Variants in DPP10 observed in about 807,000 individuals in gnomAD.
DPP10 encodes inactive dipeptidyl peptidase 10.
DPP10 carries 33 observed loss-of-function variants against 120.9 expected under a neutral mutation model. The observed-to-expected ratio is 0.27, with a 90% CI of 0.21 to 0.37. DPP10 has a LOEUF of 0.37. DPP10 is among the 10% of genes least tolerant of loss of function. DPP10 has a pLI of 1.00. For synonymous variants in DPP10, 337 were observed against 326.1 expected, an observed-to-expected ratio of 1.03 and a Z score of -0.36; for missense variants, 816 against 942.8, an observed-to-expected ratio of 0.87 and a Z score of 1.76.
intron 1 of DPP10, among the ~76,000 whole-genome samples, chr2:115,261,966 A>G (rs1212308083): frequency 6.6e-6 from 1 of 152,190 alleles, no homozygotes; most frequent in East Asian, 1.9e-4. Context: ...CAAGGGATAA[A>G]GAGGACAGAA....
intron 11 of DPP10, among the ~76,000 whole-genome samples, chr2:115,758,835 G>A (rs924373180): frequency 3.3e-5 from 5 of 152,134 alleles, no homozygotes; most frequent in African/African-American, 1.2e-4. Flanking sequence ...TGCTAAAGCA[G>A]TTCAATGGAG....
At chr2:115,570,129 G>A (rs1215902872) in intron 5 of DPP10, among the ~76,000 whole-genome samples, 1 of 152,114 alleles carries the variant, frequency 6.6e-6, no homozygotes, top group Non-Finnish European at 1.5e-5. Flanking sequence ...TATTCCTGCA[G>A]AGAAATCAAC....
At chr2:115,229,331 T>G (rs1442256046) in intron 1 of DPP10, among the ~76,000 whole-genome samples, 1 of 152,200 alleles carries the variant, frequency 6.6e-6, no homozygotes, top group African/African-American at 2.4e-5. Context: ...AGGTTGTCTC[T>G]TCACTTTGTT....
intron 5 of DPP10, among the ~76,000 whole-genome samples, chr2:115,566,410 C>A: frequency 6.6e-6 from 1 of 152,008 alleles, no homozygotes; most frequent in South Asian, 2.1e-4. Flanking sequence ...ATTTTCCATT[C>A]TTTCCCATTT....
At chr2:115,058,024 T>A (rs1374488831) in intron 1 of DPP10, among the ~76,000 whole-genome samples, 8 of 152,212 alleles carry the variant, frequency 5.3e-5, no homozygotes, top group Non-Finnish European at 1.2e-4. Context: ...AAATTTCTGC[T>A]GCGTTCGCAC....
At chr2:114,696,989 T>C (rs1435943153) in intron 1 of DPP10, among the ~76,000 whole-genome samples, 2 of 152,108 alleles carry the variant, frequency 1.3e-5, no homozygotes, top group African/African-American at 4.8e-5. Context: ...AAATAAAGTA[T>C]GAATCCAGAT....
chr2:114,781,624 A>G (rs1318111636), intron 1 of DPP10, among the ~76,000 whole-genome samples: 1 of 152,132 alleles, frequency 6.6e-6, no homozygotes, highest in African/African-American at 2.4e-5. Flanking sequence ...GCCCCCTGGT[A>G]GAGAACCTCT....
rs72840621 is a variant in DPP10, at chr2:114,498,497, C to T, written c.60+55659C>T. Among the ~76,000 whole-genome samples the T allele has an allele frequency of 7.4e-3, 1,126 of 152,252 alleles. 7 individuals carry two copies. The highest frequency in any genetic ancestry group is 0.013 in the Admixed American group (194 of 15,278). On this transcript the variant is annotated intron_variant, in intron 1 of 25. Coordinates refer to ENST00000410059, the MANE Select transcript of DPP10 (RefSeq NM_020868.6). The stretch of plus-strand genomic sequence containing the variant: ...TGCTACAACAGAATACCACAAACTA[C>T]GTAATTTATAGAGAAAAGAGATGTA...
In DPP10 at chr2:115,653,685, T is replaced by C. The variant is rs1056483154; in HGVS notation, c.442-36002T>C. ...TTTTCTAGATGATTCCATTCCCCTT[T>C]TTCCAACTAGTGAATCCTCTTCCCT... is the stretch of plus-strand genomic sequence containing the variant. On this transcript the variant is annotated intron_variant, in intron 5 of 25. Transcript: ENST00000410059. Among the ~76,000 whole-genome samples the C allele has an allele frequency of 3.0e-4, 45 of 151,950 alleles. 1 individual carries two copies. Among genetic ancestry groups the C allele is most frequent in the Non-Finnish European group, 4.4e-5 (3 of 67,910 alleles).
chr2:115,766,310 GTATATATATATATA>G (rs1221483510), intron 12 of DPP10, among the ~76,000 whole-genome samples: 6,345 of 81,678 alleles, frequency 0.078, 250 homozygotes, highest in Middle Eastern at 0.12. Flanking sequence ...GTGTGTGTGT[GTATATATATATATA>G]TGTATATATA....
chr2:115,020,946 A>G (rs960106735), intron 1 of DPP10, among the ~76,000 whole-genome samples: 6 of 152,036 alleles, frequency 3.9e-5, no homozygotes, highest in Admixed American at 3.3e-4. Flanking sequence ...AATCCAGATG[A>G]AAATTTAAAA....
chr2:115,582,024 A>C (rs565549958), intron 5 of DPP10, among the ~76,000 whole-genome samples: 111 of 152,300 alleles, frequency 7.3e-4, no homozygotes, highest in African/African-American at 2.6e-3. Context: ...GTGTAAGTTT[A>C]TTAAAAAGTT....
intron 1 of DPP10, among the ~76,000 whole-genome samples, chr2:114,659,351 A>G (rs1020993148): frequency 6.6e-6 from 1 of 152,098 alleles, no homozygotes; most frequent in African/African-American, 2.4e-5. Flanking sequence ...AAGATTCAAA[A>G]ATGAATTGTA....
intron 1 of DPP10, among the ~76,000 whole-genome samples, chr2:115,199,445 AGTT>A (rs1396078539): frequency 6.6e-6 from 1 of 152,064 alleles, no homozygotes; most frequent in Non-Finnish European, 1.5e-5. Context: ...ATAACTATTA[AGTT>A]GTTATCATCT....
intron 1 of DPP10, among the ~76,000 whole-genome samples, chr2:115,083,781 A>G (rs1193109601): frequency 6.6e-6 from 1 of 152,236 alleles, no homozygotes; most frequent in Non-Finnish European, 1.5e-5. Context: ...GATTTCTGCA[A>G]GATTTTCATG....
chr2:114,974,620 G>T (rs1190667057), intron 1 of DPP10, among the ~76,000 whole-genome samples: 1 of 151,770 alleles, frequency 6.6e-6, no homozygotes, highest in East Asian at 1.9e-4. Context: ...TGTTGGCCAG[G>T]GTGATCTTGA....
intron 3 of DPP10, among the ~76,000 whole-genome samples, chr2:115,402,875 ATGTGTGTGTGTGTGTGTATATATATATG>A (rs2068192235): frequency 8.0e-6 from 1 of 125,242 alleles, no homozygotes; most frequent in Non-Finnish European, 1.6e-5. Flanking sequence ...ATATATATAT[ATGTGTGTGTGTGTGTGTATATATATATG>A]TATATATATG....
rs537297101 is a variant in DPP10, at chr2:115,753,088, T to C, written c.951-86T>C. 1.5e-5 allele frequency: 19 copies of C among 1,283,014 alleles called. No individual in the cohort carries two copies. The African/African-American group carries it at 2.1e-4, about 14-fold the overall frequency. 79.5% of individuals were successfully genotyped at this position (1,283,014 alleles called of 1,614,324 possible). A position where few individuals can be genotyped will look rare whatever the true frequency, so the allele number is the denominator to read the frequency against. ...ATCCTTATAGTGGTTCAGTTATTCTTATATATAAAATGGCAAATGTATATT... is the reference window on the plus strand; with the variant it reads ...ATCCTTATAGTGGTTCAGTTATTCTCATATATAAAATGGCAAATGTATATT... On this transcript the variant is annotated intron_variant, in intron 10 of 25. Coordinates refer to ENST00000410059, the MANE Select transcript of DPP10 (RefSeq NM_020868.6).
At chr2:115,308,414 T>C (rs1424185531) in intron 1 of DPP10, among the ~76,000 whole-genome samples, 2 of 152,118 alleles carry the variant, frequency 1.3e-5, no homozygotes, top group African/African-American at 4.8e-5. Context: ...AGAAGCTCAG[T>C]GTTTTATAAA....
Sources: allele counts gnomAD v4.1 joint callset (sites outside exome capture counted in the v4.1 genomes callset), GRCh38; gene constraint gnomAD v4.1.1; transcripts MANE v1.5; gene names NCBI Gene and HGNC (gene_info 2026-07-23, HGNC 2026-07-21).